The following LRRC7 variants were observed in gnomAD, a reference collection of about 807,000 sequenced individuals.
LRRC7 encodes the protein leucine-rich repeat-containing protein 7.
LRRC7 carries 23 observed loss-of-function variants against 175.7 expected under a neutral mutation model. The observed-to-expected ratio is 0.13, with a 90% CI of 0.09 to 0.19. The LOEUF (loss-of-function observed/expected upper bound fraction) is 0.19, where lower values mean the gene tolerates loss of function less well. LRRC7 is among the 10% of genes least tolerant of loss of function. The pLI, the probability that LRRC7 is intolerant of heterozygous loss-of-function variation, is 1.00. For missense variants in LRRC7, 1,354 were observed against 1,904.7 expected, an observed-to-expected ratio of 0.71 and a Z score of 5.38; for synonymous variants, 685 against 680.9, an observed-to-expected ratio of 1.01 and a Z score of -0.09.
chr1:70,102,343 G>A (rs1664857477), intron 25 of LRRC7, among the ~76,000 whole-genome samples: 1 of 152,128 alleles, frequency 6.6e-6, no homozygotes, highest in Admixed American at 6.6e-5. Flanking sequence ...AATAAGAGGT[G>A]CCAATGTCCC....
chr1:70,073,740 C>T lies in LRRC7; in HGVS notation c.4231-2337C>T, dbSNP rs1032288957. Among the ~76,000 whole-genome samples, 3 of 152,172 alleles carry T rather than the reference C, an allele frequency of 2.0e-5. No homozygotes were observed. In the East Asian group the frequency reaches 5.8e-4, roughly 29 times the overall value. ...GCTGGTTCAAGCACTGGCTGAAGAC[C>T]CATGAATATTCTGCCAGTGGAAGCA... is the stretch of plus-strand genomic sequence containing the variant. On this transcript the variant is annotated intron_variant, in intron 23 of 26. Coordinates refer to ENST00000651989, the MANE Select transcript of LRRC7 (RefSeq NM_001370785.2).
chr1:70,078,673 G>A (rs747830031), intron 24 of LRRC7, among the ~76,000 whole-genome samples: 1 of 152,024 alleles, frequency 6.6e-6, no homozygotes, highest in Non-Finnish European at 1.5e-5. Flanking sequence ...ACTTGTCCTT[G>A]GCCAAGTTGT....
chr1:69,813,762 C>T (rs1678247935), intron 4 of LRRC7, among the ~76,000 whole-genome samples: 1 of 151,952 alleles, frequency 6.6e-6, no homozygotes, highest in Non-Finnish European at 1.5e-5. Context: ...CTTGTGGGTT[C>T]CCTTAGAAGA....
chr1:69,937,136 TCA>T (rs1465261469), intron 8 of LRRC7, among the ~76,000 whole-genome samples: 5 of 152,180 alleles, frequency 3.3e-5, no homozygotes, highest in Admixed American at 2.0e-4. Flanking sequence ...CTGTGAATAA[TCA>T]CAGTTTGTTT....
chr1:69,899,121 T>C (rs779036703), intron 7 of LRRC7, among the ~76,000 whole-genome samples: 1 of 152,226 alleles, frequency 6.6e-6, no homozygotes, highest in Non-Finnish European at 1.5e-5. Context: ...GTTAGAGTTA[T>C]TGGAGAAGCA....
At chr1:69,870,532 C>T (rs1320429570) in intron 7 of LRRC7, among the ~76,000 whole-genome samples, 3 of 151,910 alleles carry the variant, frequency 2.0e-5, no homozygotes, top group Non-Finnish European at 4.4e-5. Context: ...GTTTCATCTC[C>T]CAACAATCCC....
At chr1:69,717,815 AAAGAAAGAAAGAAAGAAAGAAAG>A (rs1665626236) in intron 2 of LRRC7, among the ~76,000 whole-genome samples, 1 of 49,100 alleles carries the variant, frequency 2.0e-5, no homozygotes, top group Non-Finnish European at 3.7e-5. Context: ...AGAAAGAAAG[AAAGAAAGAAAGAAAGAAAGAAAG>A]AAAAAAGAAA....
chr1:69,948,371 A>G (rs1649563348), intron 8 of LRRC7, among the ~76,000 whole-genome samples: 2 of 152,116 alleles, frequency 1.3e-5, no homozygotes, highest in South Asian at 2.1e-4. Context: ...AGGACTCTCT[A>G]TAGCATTTCT....
intron 26 of LRRC7, among the ~76,000 whole-genome samples, chr1:70,116,374 C>G (rs1420196568): frequency 6.6e-6 from 1 of 152,020 alleles, no homozygotes; most frequent in Non-Finnish European, 1.5e-5. Flanking sequence ...GGTGAAACCC[C>G]ATCTCTACTA....
chr1:69,950,226 T>C (rs1649778130), intron 8 of LRRC7, among the ~76,000 whole-genome samples: 1 of 151,942 alleles, frequency 6.6e-6, no homozygotes, highest in African/African-American at 2.4e-5. Context: ...GATAGACATA[T>C]GGATGGATGG....
intron 7 of LRRC7, chr1:69,874,172 A>T (rs962078596): frequency 1.3e-5 from 2 of 152,134 alleles, no homozygotes; most frequent in African/African-American, 4.8e-5. Flanking sequence ...TTGTAGCTCT[A>T]AAATACATTT....
chr1:69,577,126 CAG>C (rs1427204835), intron 1 of LRRC7, among the ~76,000 whole-genome samples: 1 of 152,142 alleles, frequency 6.6e-6, no homozygotes, highest in Non-Finnish European at 1.5e-5. Flanking sequence ...GACGTGAACA[CAG>C]GGGACTGGAT....
intron 3 of LRRC7, among the ~76,000 whole-genome samples, chr1:69,787,232 G>T (rs116055376): frequency 0.028 from 4,218 of 152,300 alleles, 194 homozygotes; most frequent in African/African-American, 0.095. Context: ...GGCCTCGCAG[G>T]GTACGGCCCC....
At chr1:69,623,843 A>T (rs1651052389) in intron 1 of LRRC7, among the ~76,000 whole-genome samples, 1 of 152,110 alleles carries the variant, frequency 6.6e-6, no homozygotes, top group Non-Finnish European at 1.5e-5. Context: ...GCATGATATT[A>T]TATTTATGAA....
chr1:69,961,043 T>C (rs1292650725), intron 8 of LRRC7, among the ~76,000 whole-genome samples: 1 of 152,130 alleles, frequency 6.6e-6, no homozygotes, highest in Non-Finnish European at 1.5e-5. Flanking sequence ...AGTCAAACTA[T>C]CCCTGTTTGC....
intron 8 of LRRC7, among the ~76,000 whole-genome samples, chr1:69,942,946 T>C (rs553874229): frequency 5.8e-4 from 88 of 152,294 alleles, no homozygotes; most frequent in South Asian, 2.7e-3. Context: ...CACAAATTTG[T>C]AAACTATCTT....
chr1:69,611,822 G>T (rs193277753), intron 1 of LRRC7, among the ~76,000 whole-genome samples: 2 of 152,060 alleles, frequency 1.3e-5, no homozygotes, highest in African/African-American at 4.8e-5. Flanking sequence ...AAGGACATTT[G>T]TTTATAACAT....
Position 69,600,796 on chromosome 1 carries a change from G to GTTCTTT in LRRC7, c.2+32157_2+32158insCTTTTT, listed in dbSNP as rs1557463083. 9.9e-4 allele frequency among the ~76,000 whole-genome samples: 26 copies of GTTCTTT among 26,358 alleles called. 4 individuals are homozygous for GTTCTTT. The highest frequency in any genetic ancestry group is 1.1e-3 in the African/African-American group (6 of 5,472). The allele number at this position is 26,358 out of a possible 152,430, so 17.3% of individuals were successfully genotyped here. ...TTAGCCATTTCTCCAAGGATCTCTG[G>GTTCTTT]TTTCTTTTTTTTTTTTTTTTTTTTT... On this transcript the variant is annotated intron_variant, in intron 1 of 26. Coordinates refer to ENST00000651989, the MANE Select transcript of LRRC7 (RefSeq NM_001370785.2).
chr1:69,984,851 A>G lies in LRRC7; in HGVS notation c.787-1391A>G, dbSNP rs896661924. Among the ~76,000 whole-genome samples the G allele has an allele frequency of 3.9e-5, 6 of 152,242 alleles. No homozygotes were observed. The South Asian group carries it at 6.2e-4, about 16-fold the overall frequency. On this transcript the variant is annotated intron_variant, in intron 9 of 26. Transcript: ENST00000651989. ...TACAATCCTTTTGCTTTCCTTGCCT[A>G]TAAAATAGAGTTTGCATTTCTTCAC...
Sources: allele counts gnomAD v4.1 joint callset (sites outside exome capture counted in the v4.1 genomes callset), GRCh38; gene constraint gnomAD v4.1.1; transcripts MANE v1.5; gene names NCBI Gene and HGNC (gene_info 2026-07-23, HGNC 2026-07-21).